Variants in NOTCH1 observed in about 807,000 individuals in gnomAD.
The protein encoded by NOTCH1 is neurogenic locus notch homolog protein 1.
In NOTCH1, 37 loss-of-function variants were observed where a neutral mutation model predicts 254.8. That is an observed-to-expected ratio of 0.15 (90% confidence interval 0.11 to 0.19). The LOEUF is 0.19. Among genes scored for constraint, NOTCH1 ranks in the 10% least tolerant of loss-of-function variants. NOTCH1 has a pLI of 1.00. For synonymous variants in NOTCH1, 1,731 were observed against 1,618.1 expected (o/e 1.07, Z -1.68); for missense variants, 2,972 against 3,708.6 (o/e 0.80, Z 5.16).
chr9:136,503,605 G>A (rs1843034193), intron 26 of NOTCH1, among the ~76,000 whole-genome samples: 1 of 152,184 alleles, frequency 6.6e-6, no homozygotes, highest in South Asian at 2.1e-4. Context: ...GGCTCCTGCT[G>A]GTGCCACAGA....
rs11574908 is a variant in NOTCH1, at chr9:136,500,859, G to A, written c.5639-12C>T. The A allele has an allele frequency of 0.078, 123,886 of 1,580,492 alleles. 5,508 individuals carry two copies. The highest frequency in any genetic ancestry group is 0.087 in the Non-Finnish European group (102,149 of 1,171,112). ...CGGGGTGAAGCCATCTGCAGAGGCA[G>A]AGACGGGTGCTCAGTCTGGAGGGCC... On this transcript the variant is annotated splice_polypyrimidine_tract_variant and intron_variant, in intron 30 of 33. Coordinates refer to ENST00000651671, the MANE Select transcript of NOTCH1 (RefSeq NM_017617.5).
chr9:136,496,058 T>TG lies in NOTCH1; in HGVS notation c.*12dup. 6.3e-7 allele frequency: 1 copy of TG among 1,592,676 alleles called. No homozygotes were observed. Among genetic ancestry groups the TG allele is most frequent in the Non-Finnish European group, 8.5e-7 (1 of 1,176,498 alleles). ...CTTGGGAAAGGAAGCCGGGGTCTCG[T>TG]GGGGCGCGCCGTTTACTTGAAGGCC... On this transcript the variant is annotated 3_prime_UTR_variant, in exon 34 of 34. Coordinates refer to ENST00000651671, the MANE Select transcript of NOTCH1 (RefSeq NM_017617.5).
In NOTCH1 at chr9:136,500,616, T is replaced by G. The variant is rs201174576; in HGVS notation, c.5870A>C (p.Gln1957Pro). 1.6e-5 allele frequency: 26 copies of G among 1,612,212 alleles called. No individual in the cohort carries two copies. In the East Asian group the frequency reaches 5.6e-4, roughly 35 times the overall value. The change falls in exon 31 of 34, where the codon CAG becomes CCG. Residue 1957 changes from glutamine (Q) to proline (P), a missense_variant. Gln to Pro is a moderately conservative substitution (Grantham distance 76). This residue lies in a region of NOTCH1 where 421 missense variants were observed against 604.4 expected (regional missense o/e 0.70). Coordinates refer to ENST00000651671, the MANE Select transcript of NOTCH1 (RefSeq NM_017617.5). ...LLEASADANI[Q>P]DNMGRTPLHA... ...CAGCGGGGTGCGGCCCATGTTGTCC[T>G]GGATGTTGGCATCTGCGCTGGCCTC... is the stretch of plus-strand genomic sequence containing the variant.
chr9:136,541,283 G>T (rs955787210), intron 2 of NOTCH1, among the ~76,000 whole-genome samples: 1 of 152,118 alleles, frequency 6.6e-6, no homozygotes, highest in Non-Finnish European at 1.5e-5. Context: ...TCCAATCCCG[G>T]GCCCTGCAAC....
At chr9:136,516,782 C>A (rs939486771) in intron 9 of NOTCH1, among the ~76,000 whole-genome samples, 1 of 152,154 alleles carries the variant, frequency 6.6e-6, no homozygotes, top group Non-Finnish European at 1.5e-5. Flanking sequence ...GGCTCCACCG[C>A]GACCCCTGGG....
rs10685223 is a variant in NOTCH1, at chr9:136,506,383, T to TAAA, written c.4014+141_4014+143dup. 244 of 609,856 alleles carry TAAA rather than the reference T, an allele frequency of 4.0e-4. No individual in the cohort carries two copies. The highest frequency in any genetic ancestry group is 1.1e-3 in the South Asian group (52 of 48,904). 37.8% of individuals were successfully genotyped at this position (609,856 alleles called of 1,614,324 possible). ...TGTCTCTAAAATCATTTATTGAAAC[T>TAAA]AAAAAAAAAAAAAAGACATCAGGGT... On this transcript the variant is annotated intron_variant, in intron 24 of 33. Transcript: ENST00000651671. This position sits in a 1 kb window ranked among gnomAD's most constrained non-coding sequence, Gnocchi z 4.5.
intron 15 of NOTCH1, 49 bp from the exon 16 acceptor site, chr9:136,511,320 C>G (rs771636849): frequency 1.3e-6 from 2 of 1,568,050 alleles, no homozygotes; most frequent in Non-Finnish European, 1.7e-6. Context: ...CCAGAGGGAT[C>G]TCCCAAATCG....
chr9:136,506,850 G>C lies in NOTCH1; in HGVS notation c.3767C>G (p.Pro1256Arg), dbSNP rs80340744. The C allele has an allele frequency of 6.2e-7, 1 of 1,612,072 alleles. No homozygotes were observed. The highest frequency in any genetic ancestry group is 2.2e-5 in the East Asian group (1 of 44,814). The change falls in exon 23 of 34, where the codon CCG becomes CGG. Residue 1256 changes from proline (P) to arginine (R), a missense_variant. By Grantham distance (103) the Pro-to-Arg change is moderately radical. Transcript: ENST00000651671. This position sits in a 1 kb window ranked among gnomAD's most constrained non-coding sequence, Gnocchi z 4.5. ...DQVGGYSCTC[P>R]PGFVGERCEG... The stretch of plus-strand genomic sequence containing the variant: ...ACAGCGCTCACCCACGAAGCCCGGC[G>C]GGCAGGTGCAGCTGTAGCCGCCCAC...
At chr9:136,542,817 G>C (rs567018813) in intron 2 of NOTCH1, 10 of 152,316 alleles carry the variant, frequency 6.6e-5, no homozygotes, top group East Asian at 1.9e-4. Flanking sequence ...GTAGCTCCTG[G>C]GGGGCGGAGG....
rs896817332 is a variant in NOTCH1 at position 136,502,770 on chromosome 9, A to G, written c.5168-282T>C. Reference sequence around the variant, plus strand: ...GTCAACTTCAAATCGCTGCACTCGCACTGAGCTGTTAAGACAAAGGATTTA... The same window carrying G: ...GTCAACTTCAAATCGCTGCACTCGCGCTGAGCTGTTAAGACAAAGGATTTA... On this transcript the variant is annotated intron_variant, in intron 27 of 33. Transcript: ENST00000651671. 3 of 571,000 alleles carry G rather than the reference A, an allele frequency of 5.3e-6. No individual in the cohort carries two copies. The African/African-American group carries it at 5.7e-5, about 11-fold the overall frequency. 35.4% of individuals were successfully genotyped at this position (571,000 alleles called of 1,614,324 possible).
At chr9:136,522,136 C>T (rs1412530467) in intron 4 of NOTCH1, among the ~76,000 whole-genome samples, 1 of 152,078 alleles carries the variant, frequency 6.6e-6, no homozygotes, top group African/African-American at 2.4e-5. Context: ...TGCCACCATG[C>T]CTGGCTAATT....
Position 136,545,298 on chromosome 9 carries a change from T to C in NOTCH1, c.61+428A>G, listed in dbSNP as rs1360915640. Among the ~76,000 whole-genome samples, 1 of 150,410 alleles carries C rather than the reference T, an allele frequency of 6.6e-6. No individual in the cohort carries two copies. The highest frequency in any genetic ancestry group is 6.6e-5 in the Admixed American group (1 of 15,110). On this transcript the variant is annotated intron_variant, in intron 1 of 33. Coordinates refer to ENST00000651671, the MANE Select transcript of NOTCH1 (RefSeq NM_017617.5). This position sits in a 1 kb window ranked among gnomAD's most constrained non-coding sequence, Gnocchi z 6.8. ...CCGCGCCCCAACATCCGCCCCGGCG[T>C]GGGCCAGAGGCGAAGAAGAAAGAAG...
chr9:136,507,043 C>T, intron 22 of NOTCH1, 70 bp from the exon 23 acceptor site: 2 of 1,567,290 alleles, frequency 1.3e-6, no homozygotes, highest in Non-Finnish European at 1.7e-6. Flanking sequence ...CGTGTCCGTC[C>T]CGGAAGACGA....
At position 136,499,076 on chromosome 9, in the gene NOTCH1, C is replaced by T. The variant is rs549610345; in HGVS notation, c.6082+36G>A. ...CCCACCCGTCCCTGTGGCGGTCCCG[C>T]CCCACGACAGAGCAGCCGTGCCCCC... On this transcript the variant is annotated intron_variant, in intron 32 of 33. Transcript: ENST00000651671. 3.7e-6 allele frequency: 6 copies of T among 1,612,718 alleles called. No homozygotes were observed. The East Asian group carries it at 8.9e-5, about 24-fold the overall frequency.
At chr9:136,543,386 C>T (rs1183622437) in intron 2 of NOTCH1, 7 of 247,788 alleles carry the variant, frequency 2.8e-5, no homozygotes, top group Middle Eastern at 1.5e-3. Flanking sequence ...TGGCATCACC[C>T]GTGCCCAGAG....
rs887942248 is a variant in NOTCH1, at chr9:136,507,334, T to G, written c.3614A>C (p.Tyr1205Ser). ...AGTGCCCCGTGGGCAGGAGCACTTG[T>G]AGGTGTTGGGGAGGTCGAGGCAGGT... ...GGTCLDLPNT[Y>S]KCSCPRGTQG... Residue 1205 changes from tyrosine to serine, a missense_variant, in exon 22 of 34, where the codon TAC becomes TCC. Transcript: ENST00000651671. The G allele has an allele frequency of 6.2e-7, 1 of 1,612,900 alleles. No homozygotes were observed. The highest frequency in any genetic ancestry group is 8.5e-7 in the Non-Finnish European group (1 of 1,179,920).
rs1199428564 is a variant in NOTCH1, at chr9:136,510,724, C to T, written c.2669G>A (p.Gly890Asp). Reference sequence around the variant, plus strand: ...GCCGGCCTGGCAGTGGCAGCGGTAGCCGCCGTGGGTGTTCTGGCAGGATGC... The same window carrying T: ...GCCGGCCTGGCAGTGGCAGCGGTAGTCGCCGTGGGTGTTCTGGCAGGATGC... ...HGASCQNTHGGYRCHCQAGYS... is the reference protein window; with the variant it reads ...HGASCQNTHGDYRCHCQAGYS... The change falls in exon 17 of 34, where the codon GGC (glycine) becomes GAC (aspartate). Residue 890 changes from glycine (G) to aspartate (D), a missense_variant. By Grantham distance (94) the Gly-to-Asp change is moderately conservative (BLOSUM62 -1). This residue lies in a region of NOTCH1 where 1,343 missense variants were observed against 1,557.0 expected (regional missense o/e 0.86). Transcript: ENST00000651671. The T allele has an allele frequency of 1.2e-6, 2 of 1,610,194 alleles. No homozygotes were observed. The highest frequency in any genetic ancestry group is 1.1e-5 in the South Asian group (1 of 91,068).
At chr9:136,512,990 C>T (rs748621326) in intron 15 of NOTCH1, 31 bp downstream of exon 15, 1 of 922,344 alleles carries the variant, frequency 1.1e-6, no homozygotes. Flanking sequence ...AGGCCCCGCC[C>T]CCTCCAGCAC....
chr9:136,511,581 T>C (rs1843182561), intron 15 of NOTCH1, among the ~76,000 whole-genome samples: 1 of 152,188 alleles, frequency 6.6e-6, no homozygotes, highest in Non-Finnish European at 1.5e-5. Flanking sequence ...GAACAAGGAC[T>C]GCACCAGGAG....
Sources: allele counts gnomAD v4.1 joint callset (sites outside exome capture counted in the v4.1 genomes callset), GRCh38; gene constraint gnomAD v4.1.1; regional missense constraint gnomAD v4.1.1; non-coding constraint Gnocchi (gnomAD v3.1); transcripts MANE v1.5; gene names NCBI Gene and HGNC (gene_info 2026-07-23, HGNC 2026-07-21).